Variants in ZNF277 observed in about 807,000 individuals in gnomAD.
ZNF277 encodes nuclear receptor-interacting factor 4.
In ZNF277, 55 loss-of-function variants were observed where a neutral mutation model predicts 60.7. The observed-to-expected ratio is 0.91, with a 90% CI of 0.73 to 1.13. The LOEUF (loss-of-function observed/expected upper bound fraction) is 1.13. ZNF277 is among the 50% of genes most tolerant of loss of function. ZNF277 has a pLI of 0.00. For synonymous variants in ZNF277, 178 were observed against 179.3 expected, an observed-to-expected ratio of 0.99 and a Z score of 0.06; for missense variants, 510 against 523.0, an observed-to-expected ratio of 0.98 and a Z score of 0.24.
rs555075304 is a variant in ZNF277 at position 112,241,636 on chromosome 7, G to C, written c.91+34829G>C. Among the ~76,000 whole-genome samples, 6 of 152,224 alleles carry C rather than the reference G, an allele frequency of 3.9e-5. No homozygotes were observed. In the South Asian group the frequency reaches 1.2e-3, roughly 32 times the overall value. On this transcript the variant is annotated intron_variant, in intron 1 of 11. Coordinates refer to ENST00000361822, the MANE Select transcript of ZNF277 (RefSeq NM_021994.3). ...ATCAACAGATGAATAGCTAGAGAAAGTGTGATACATATACACAATGGAGTA... is the reference window on the plus strand; with the variant it reads ...ATCAACAGATGAATAGCTAGAGAAACTGTGATACATATACACAATGGAGTA...
At chr7:112,296,380 GTT>G (rs11295465) in intron 4 of ZNF277, 69 bp downstream of exon 4, 1,852 of 539,758 alleles carry the variant, frequency 3.4e-3, no homozygotes, top group Middle Eastern at 3.9e-3. Context: ...AATCATATTG[GTT>G]TTTTTTTTTT....
At chr7:112,247,272 C>A (rs1459625843) in intron 1 of ZNF277, among the ~76,000 whole-genome samples, 2 of 152,130 alleles carry the variant, frequency 1.3e-5, no homozygotes, top group African/African-American at 4.8e-5. Flanking sequence ...AATGAGCTCT[C>A]TACTTGTATT....
At position 112,343,925 on chromosome 7, in the gene ZNF277, C is replaced by CA. The variant is rs1563236792; in HGVS notation, c.*1203dup. On this transcript the variant is annotated 3_prime_UTR_variant, in exon 12 of 12. Transcript: ENST00000361822. ...TGGGCAACAGACCAAGACTCTGTCT[C>CA]AAAAAAAGGAAAAAAAAAAAAAAAA... 8.8e-6 allele frequency among the ~76,000 whole-genome samples: 1 copy of CA among 113,120 alleles called. No homozygotes were observed. 74.2% of individuals were successfully genotyped at this position (113,120 alleles called of 152,430 possible).
At chr7:112,327,655 C>G in intron 5 of ZNF277, 62 bp from the exon 6 acceptor site, 2 of 1,327,626 alleles carry the variant, frequency 1.5e-6, no homozygotes, top group Non-Finnish European at 2.1e-6. Context: ...GAATGCTATT[C>G]CAACCCAAAT....
rs1378565434 is a variant in ZNF277, at chr7:112,342,706, A to G, written c.1330A>G (p.Ile444Val). The G allele has an allele frequency of 7.5e-6, 12 of 1,604,530 alleles. No individual in the cohort carries two copies. In the East Asian group the frequency reaches 2.7e-4, roughly 36 times the overall value. ...SKLYALKQSS[I>V]LNQLLL Reference sequence around the variant, plus strand: ...ACTGTATGCTTTGAAACAAAGCAGTATTTTGAACCAGTTGCTACTATAAGA... The same window carrying G: ...ACTGTATGCTTTGAAACAAAGCAGTGTTTTGAACCAGTTGCTACTATAAGA... Residue 444 changes from isoleucine to valine, a missense_variant, in exon 12 of 12, where the codon ATT becomes GTT. Physicochemically the swap from Ile to Val is conservative, Grantham distance 29. Transcript: ENST00000361822.
At chr7:112,338,827 G>C (rs1235459001) in intron 9 of ZNF277, among the ~76,000 whole-genome samples, 1 of 152,164 alleles carries the variant, frequency 6.6e-6, no homozygotes, top group Non-Finnish European at 1.5e-5. Flanking sequence ...CGGCATCCTT[G>C]ACAGGTGTCC....
intron 4 of ZNF277, among the ~76,000 whole-genome samples, chr7:112,311,383 G>A (rs1014253597): frequency 3.9e-5 from 6 of 152,054 alleles, no homozygotes; most frequent in Admixed American, 1.3e-4. Context: ...TTATCTAAGT[G>A]TATTTGTAAT....
chr7:112,223,044 C>T (rs1822075558), intron 1 of ZNF277, among the ~76,000 whole-genome samples: 1 of 152,238 alleles, frequency 6.6e-6, no homozygotes, highest in African/African-American at 2.4e-5. Flanking sequence ...TCTCCTTGCT[C>T]TTCAGCCTGC....
intron 7 of ZNF277, among the ~76,000 whole-genome samples, chr7:112,334,579 G>A (rs1025707867): frequency 1.3e-5 from 2 of 152,092 alleles, no homozygotes; most frequent in Non-Finnish European, 2.9e-5. Context: ...GGTTAATGCT[G>A]TGTGGCCTAG....
chr7:112,336,314 C>G, intron 8 of ZNF277, 143 bp downstream of exon 8: 2 of 582,992 alleles, frequency 3.4e-6, no homozygotes, highest in Non-Finnish European at 5.5e-6. Context: ...TGTAATGTGG[C>G]AAAAACTTGA....
At chr7:112,266,152 T>A (rs1791544919) in intron 1 of ZNF277, among the ~76,000 whole-genome samples, 1 of 149,436 alleles carries the variant, frequency 6.7e-6, no homozygotes, top group Non-Finnish European at 1.5e-5. Flanking sequence ...TTTTAATTCT[T>A]TTTTTTTTTG....
At chr7:112,252,622 A>G (rs1162000524) in intron 1 of ZNF277, among the ~76,000 whole-genome samples, 1 of 152,190 alleles carries the variant, frequency 6.6e-6, no homozygotes, top group Non-Finnish European at 1.5e-5. Context: ...CTGGGGGCAT[A>G]CAATATAATT....
intron 2 of ZNF277, among the ~76,000 whole-genome samples, chr7:112,294,395 C>T (rs1000890061): frequency 6.6e-6 from 1 of 152,118 alleles, no homozygotes; most frequent in Non-Finnish European, 1.5e-5. Context: ...TCTGAGATTT[C>T]TAATATGGAA....
chr7:112,244,341 A>C (rs1486421445), intron 1 of ZNF277, among the ~76,000 whole-genome samples: 1 of 152,174 alleles, frequency 6.6e-6, no homozygotes, highest in African/African-American at 2.4e-5. Flanking sequence ...TTCCTATGAC[A>C]GTGACCTATT....
rs766693998 is a variant in ZNF277, at chr7:112,295,872, C to T, written c.297C>T (p.Tyr99=). The change falls in exon 3 of 12, where the codon TAC becomes TAT. Residue 99 remains tyrosine, a synonymous_variant. Transcript: ENST00000361822. ...DVKLVADFQR[Y]ILYWRKRFTE... ...CCTTATTTTATGTTGTTCTAAGGTA[C>T]ATTTTATATTGGAGGAAAAGGTTCA... 8 of 1,609,722 alleles carry T rather than the reference C, an allele frequency of 5.0e-6. No individual in the cohort carries two copies. Among genetic ancestry groups the T allele is most frequent in the African/African-American group, 1.3e-5 (1 of 74,786 alleles).
chr7:112,256,421 GTTTTTTTTTTTTT>G (rs779126085), intron 1 of ZNF277, among the ~76,000 whole-genome samples: 2 of 95,384 alleles, frequency 2.1e-5, no homozygotes, highest in Non-Finnish European at 4.0e-5. Flanking sequence ...CTTCTTTGGA[GTTTTTTTTTTTTT>G]TTTTTTTTTT....
chr7:112,293,579 C>CAAA (rs35455828), intron 2 of ZNF277, among the ~76,000 whole-genome samples: 5,674 of 114,852 alleles, frequency 0.049, 293 homozygotes, highest in African/African-American at 0.14. Context: ...GATCTTATCT[C>CAAA]AAAAAAAAAA....
chr7:112,226,326 A>G (rs1822173956), intron 1 of ZNF277, among the ~76,000 whole-genome samples: 1 of 152,168 alleles, frequency 6.6e-6, no homozygotes, highest in African/African-American at 2.4e-5. Flanking sequence ...TTTCTGCCTC[A>G]GGGAGATGTA....
intron 4 of ZNF277, among the ~76,000 whole-genome samples, chr7:112,315,920 G>A (rs1792835008): frequency 6.6e-6 from 1 of 152,120 alleles, no homozygotes; most frequent in South Asian, 2.1e-4. Context: ...GACCTCTCCA[G>A]ATCACTGTCC....
Sources: allele counts gnomAD v4.1 joint callset (sites outside exome capture counted in the v4.1 genomes callset), GRCh38; gene constraint gnomAD v4.1.1; transcripts MANE v1.5; gene names NCBI Gene and HGNC (gene_info 2026-07-23, HGNC 2026-07-21).